The following RHBDF1 variants were observed in gnomAD, a reference collection of about 807,000 sequenced individuals.
RHBDF1 encodes inactive rhomboid protein 1.
A neutral mutation model predicts 98.6 loss-of-function variants in RHBDF1; 80 were observed. The observed-to-expected ratio is 0.81, with a 90% CI of 0.68 to 0.98. RHBDF1 has a LOEUF of 0.98. RHBDF1 is among the 50% of genes least tolerant of loss of function. The pLI, the probability that RHBDF1 is intolerant of heterozygous loss-of-function variation, is 0.00. For missense variants in RHBDF1, 1,116 were observed against 1,198.3 expected (o/e 0.93, Z 1.01); for synonymous variants, 512 against 486.8 (o/e 1.05, Z -0.68).
intron 11 of RHBDF1, 181 bp from the exon 12 acceptor site, chr16:60,720 C>T (rs1897578573): frequency 1.7e-6 from 1 of 587,886 alleles, no homozygotes; most frequent in Non-Finnish European, 3.0e-6. Context: ...CGGCATAATT[C>T]CTGTTAGCTG....
At position 62,857 on chromosome 16, in the gene RHBDF1, C is replaced by T. The variant is rs879417615; in HGVS notation, c.713G>A (p.Arg238His). ...AAAGCTAGCTGGAGTGAAGCTTCGA[C>T]GCTGTGCCCGGCGAAAGGTGCCATC... ...VRDGTFRRAQRRSFTPASFLE... is the reference protein window; with the variant it reads ...VRDGTFRRAQHRSFTPASFLE... The change falls in exon 6 of 18, where the codon CGT becomes CAT. Residue 238 changes from arginine (R) to histidine (H), a missense_variant. Arg to His is a conservative substitution (Grantham distance 29). Coordinates refer to ENST00000262316, the MANE Select transcript of RHBDF1 (RefSeq NM_022450.5). 22 of 1,613,828 alleles carry T rather than the reference C, an allele frequency of 1.4e-5. No individual in the cohort carries two copies. Among genetic ancestry groups the T allele is most frequent in the Middle Eastern group, 1.6e-4 (1 of 6,084 alleles).
Position 60,548 on chromosome 16 carries a change from G to A in RHBDF1, c.1558-9C>T, listed in dbSNP as rs1396307893. 1.9e-6 allele frequency: 3 copies of A among 1,601,704 alleles called. No individual in the cohort carries two copies. Among genetic ancestry groups the A allele is most frequent in the Admixed American group, 1.7e-5 (1 of 59,986 alleles). ...CACACTGCCAGCGTGGACTGTGGGA[G>A]GGGGACACAGGGTCAGGTCCAGTTG... On this transcript the variant is annotated splice_polypyrimidine_tract_variant and intron_variant, in intron 11 of 17. Transcript: ENST00000262316.
Position 72,592 on chromosome 16 carries a change from A to G in RHBDF1, c.-104T>C. The G allele has an allele frequency of 1.0e-6, 1 of 972,940 alleles. No homozygotes were observed. Among genetic ancestry groups the G allele is most frequent in the South Asian group, 4.9e-5 (1 of 20,592 alleles). The allele number at this position is 972,940 out of a possible 1,614,324, so 60.3% of individuals were successfully genotyped here. A position where few individuals can be genotyped will look rare whatever the true frequency, so the allele number is the denominator to read the frequency against. ...CCGCTGGCCGGGAGGGCCCGCGCCG[A>G]GTCCCCGCCCGCCCGCCGGTCCGGC... On this transcript the variant is annotated 5_prime_UTR_variant, in exon 1 of 18. Coordinates refer to ENST00000262316, the MANE Select transcript of RHBDF1 (RefSeq NM_022450.5).
Position 60,290 on chromosome 16 carries a change from C to T in RHBDF1, c.1659-11G>A. The T allele has an allele frequency of 6.2e-7, 1 of 1,614,024 alleles. No homozygotes were observed. The highest frequency in any genetic ancestry group is 8.5e-7 in the Non-Finnish European group (1 of 1,180,016). On this transcript the variant is annotated splice_polypyrimidine_tract_variant and intron_variant, in intron 12 of 17. Transcript: ENST00000262316. ...GGCTCATCACACACCCTGCATGAGCCAAGTATGTGGTCAGACCGGCTTCGA... is the reference window on the plus strand; with the variant it reads ...GGCTCATCACACACCCTGCATGAGCTAAGTATGTGGTCAGACCGGCTTCGA...
At chr16:70,204 C>T (rs1018857136) in intron 1 of RHBDF1, among the ~76,000 whole-genome samples, 8 of 152,220 alleles carry the variant, frequency 5.3e-5, no homozygotes, top group African/African-American at 1.9e-4. Flanking sequence ...AAGGACTTAG[C>T]TACACTAGAT....
In RHBDF1 at chr16:59,688, T is replaced by C. The variant is rs115025447; in HGVS notation, c.1817+44A>G. The C allele has an allele frequency of 7.2e-3, 11,535 of 1,607,444 alleles. 52 individuals are homozygous for C. Among genetic ancestry groups the C allele is most frequent in the Non-Finnish European group, 8.5e-3 (9,951 of 1,175,504 alleles). ...GAGAAGGCACACCCTAGGGCGATGC[T>C]CTGAGCCCAGAGACCAGCTGCACTC... On this transcript the variant is annotated intron_variant, in intron 14 of 17. Transcript: ENST00000262316.
In RHBDF1 at chr16:63,159, G is replaced by A. The variant is rs1228173482; in HGVS notation, c.486C>T (p.Gly162=). The change falls in exon 5 of 18, where the codon GGC becomes GGT. Residue 162 remains glycine (G), a synonymous_variant. Transcript: ENST00000262316. ...TGTCATCTGCCACACGGAAGGCACG[G>A]CCACGGGCCAGGGGGTCTATGATCT... ...MQKIIDPLAR[G]RAFRVADDTA... The A allele has an allele frequency of 6.3e-7, 1 of 1,584,774 alleles. No homozygotes were observed. The highest frequency in any genetic ancestry group is 2.3e-5 in the East Asian group (1 of 43,822).
chr16:62,630 T>C lies in RHBDF1; in HGVS notation c.861A>G (p.Ala287=), dbSNP rs752464953. ...PDEVFESPSE[A]ALKDWEKAPE... ...GTGCCTTCTCCCAGTCCTTTAGCGC[T>C]GCCTCCGATGGGGACTCGAAAACTT... Residue 287 remains alanine, a synonymous_variant, in exon 7 of 18, where the codon GCA becomes GCG. Transcript: ENST00000262316. The C allele has an allele frequency of 5.0e-6, 8 of 1,613,926 alleles. No homozygotes were observed. The South Asian group carries it at 6.6e-5, about 13-fold the overall frequency.
intron 3 of RHBDF1, 192 bp from the exon 4 acceptor site, chr16:63,992 A>G: frequency 2.7e-6 from 2 of 732,912 alleles, no homozygotes; most frequent in Non-Finnish European, 2.5e-6. Flanking sequence ...GCCAACTCCA[A>G]GTTTCCACTA....
At position 63,820 on chromosome 16, in the gene RHBDF1, G is replaced by T; in HGVS notation, c.249-20C>A. On this transcript the variant is annotated intron_variant, in intron 3 of 17. Coordinates refer to ENST00000262316, the MANE Select transcript of RHBDF1 (RefSeq NM_022450.5). ...GTCCCCCTGGCATGGCAGGGACTCA[G>T]CAAGGGGCGGCCAGATCGCCCCTCC... 1 of 1,606,872 alleles carries T rather than the reference G, an allele frequency of 6.2e-7. No homozygotes were observed. Among genetic ancestry groups the T allele is most frequent in the Non-Finnish European group, 8.5e-7 (1 of 1,175,468 alleles).
Position 63,061 on chromosome 16 carries a change from G to A in RHBDF1, c.584C>T (p.Ser195Phe), listed in dbSNP as rs772089507. 22 of 1,612,898 alleles carry A rather than the reference G, an allele frequency of 1.4e-5. No individual in the cohort carries two copies. The highest frequency in any genetic ancestry group is 1.6e-5 in the Non-Finnish European group (19 of 1,179,820). The change falls in exon 5 of 18, where the codon TCC becomes TTC. Residue 195 changes from serine (S) to phenylalanine (F), a missense_variant. Coordinates refer to ENST00000262316, the MANE Select transcript of RHBDF1 (RefSeq NM_022450.5). Reference protein sequence around the residue: ...GAASLCSFSSSRSGFHRLPRR... With the variant: ...GAASLCSFSSFRSGFHRLPRR... ...CGGGAGCCGGTGGAAACCTGAGCGG[G>A]AGCTGGAGAAGGAGCAGAGGGAGGC... is the stretch of plus-strand genomic sequence containing the variant.
intron 1 of RHBDF1, among the ~76,000 whole-genome samples, chr16:67,458 G>C (rs146362484): frequency 2.0e-5 from 3 of 152,196 alleles, no homozygotes; most frequent in Non-Finnish European, 4.4e-5. Flanking sequence ...AGGAGTGTGA[G>C]TGACCTTTGC....
At position 59,044 on chromosome 16, in the gene RHBDF1, G is replaced by C; in HGVS notation, c.2078C>G (p.Ala693Gly). The C allele has an allele frequency of 6.2e-7, 1 of 1,613,480 alleles. No individual in the cohort carries two copies. Among genetic ancestry groups the C allele is most frequent in the Non-Finnish European group, 8.5e-7 (1 of 1,180,026 alleles). Residue 693 changes from alanine (A) to glycine (G), a missense_variant, in exon 17 of 18, where the codon GCC becomes GGC. By Grantham distance (60) the Ala-to-Gly change is moderately conservative. Transcript: ENST00000262316. Reference protein sequence around the residue: ...LEKLAGWHRIAIIYLLSGVTG... With the variant: ...LEKLAGWHRIGIIYLLSGVTG... ...GACACCACTCAGCAGGTAGATGATG[G>C]CTATGCGGTGCCAGCCTGCCAGCTT...
At chr16:59,977 CTA>C in intron 13 of RHBDF1, 151 bp from the exon 14 acceptor site, 1 of 1,487,626 alleles carries the variant, frequency 6.7e-7, no homozygotes, top group East Asian at 2.5e-5. Context: ...CACTGAGTCT[CTA>C]TCAAACTGGA....
chr16:75,460 G>A (rs1205749956), upstream of RHBDF1, among the ~76,000 whole-genome samples: 2 of 152,196 alleles, frequency 1.3e-5, no homozygotes, highest in African/African-American at 2.4e-5. Context: ...AGAAGAAACC[G>A]CCCGGGGAGC....
chr16:59,590 G>T, intron 14 of RHBDF1, 96 bp from the exon 15 acceptor site: 1 of 1,476,582 alleles, frequency 6.8e-7, no homozygotes, highest in Non-Finnish European at 9.3e-7. Flanking sequence ...CACCTTTGTT[G>T]GCCCCAAGGA....
intron 5 of RHBDF1, 25 bp from the exon 6 acceptor site, chr16:62,922 G>A (rs1440196095): frequency 1.9e-6 from 3 of 1,613,096 alleles, no homozygotes; most frequent in Non-Finnish European, 2.5e-6. Flanking sequence ...GTGAGCATGA[G>A]ACCCGGCTGC....
chr16:72,425 G>T (rs1229455864), intron 1 of RHBDF1, 88 bp downstream of exon 1: 1 of 614,448 alleles, frequency 1.6e-6, no homozygotes, highest in Non-Finnish European at 1.9e-6. Flanking sequence ...CTCCGGCCCC[G>T]GGTGCTGAGG....
Position 59,826 on chromosome 16 carries a change from T to A in RHBDF1, c.1723A>T (p.Ile575Phe), listed in dbSNP as rs1360149410. Residue 575 changes from isoleucine (I) to phenylalanine (F), a missense_variant and splice_region_variant, in exon 14 of 18, where the codon ATC (isoleucine) becomes TTC (phenylalanine). By Grantham distance (21) the Ile-to-Phe change is conservative (BLOSUM62 0). Transcript: ENST00000262316. ...TTCCCAGCGCTGTTTTTGGTGCAGATCTGGGTCACAAATGAGGACGAGCTG... is the reference window on the plus strand; with the variant it reads ...TTCCCAGCGCTGTTTTTGGTGCAGAACTGGGTCACAAATGAGGACGAGCTG... ...EWPEDITKWP[I>F]CTKNSAGNHT... 6.2e-7 allele frequency: 1 copy of A among 1,614,104 alleles called. No individual in the cohort carries two copies. Among genetic ancestry groups the A allele is most frequent in the East Asian group, 2.2e-5 (1 of 44,882 alleles).
Sources: gnomAD v4.1 joint callset for allele counts (sites outside exome capture counted in the v4.1 genomes callset) on GRCh38, gnomAD v4.1.1 for gene constraint, MANE v1.5 for transcripts, NCBI Gene and HGNC (gene_info 2026-07-23, HGNC 2026-07-21) for gene names.